Variants in FREM2 observed in about 807,000 individuals in gnomAD.
The protein encoded by FREM2 is FRAS1-related extracellular matrix protein 2.
In FREM2, 119 loss-of-function variants were observed where a neutral mutation model predicts 219.9. The ratio of observed to expected loss-of-function variants is 0.54; its 90% CI spans 0.47 to 0.63. FREM2 has a LOEUF of 0.63. Ranked by LOEUF, FREM2 falls within the 30% of genes least tolerant of loss-of-function variation. FREM2 has a pLI of 0.00. For missense variants in FREM2, 4,030 were observed against 3,993.6 expected (o/e 1.01, Z -0.25); for synonymous variants, 1,562 against 1,522.8 (o/e 1.03, Z -0.60).
At chr13:38,705,115 G>A (rs890671914) in intron 2 of FREM2, among the ~76,000 whole-genome samples, 1 of 152,324 alleles carries the variant, frequency 6.6e-6, no homozygotes, top group African/African-American at 2.4e-5. Context: ...GATGATTCTT[G>A]CAGGTGTAGA....
intron 23 of FREM2, among the ~76,000 whole-genome samples, chr13:38,879,425 C>T (rs974240677): frequency 2.6e-5 from 4 of 152,096 alleles, no homozygotes; most frequent in African/African-American, 9.7e-5. Context: ...GTGCACAGCT[C>T]CACTCTCAAA....
rs533398376 is a variant in FREM2, at chr13:38,811,053, T to G, written c.6019+26245T>G. ...TGGTAAATTAATTTTTTATATTACA[T>G]TAATTTTGAATAATTTATCCATTTC... On this transcript the variant is annotated intron_variant, in intron 6 of 23. Transcript: ENST00000280481. 2.6e-5 allele frequency among the ~76,000 whole-genome samples: 4 copies of G among 152,152 alleles called. No homozygotes were observed. In the East Asian group the frequency reaches 7.7e-4, roughly 29 times the overall value.
At chr13:38,748,923 A>C in intron 2 of FREM2, among the ~76,000 whole-genome samples, 1 of 152,322 alleles carries the variant, frequency 6.6e-6, no homozygotes, top group African/African-American at 2.4e-5. Flanking sequence ...ATGTGTGTGC[A>C]GGTACATGTG....
At chr13:38,786,289 A>G in intron 6 of FREM2, among the ~76,000 whole-genome samples, 1 of 152,202 alleles carries the variant, frequency 6.6e-6, no homozygotes, top group Non-Finnish European at 1.5e-5. Flanking sequence ...TAGAATCCAT[A>G]ACAACATCTG....
intron 4 of FREM2, among the ~76,000 whole-genome samples, chr13:38,771,140 A>G (rs1052411357): frequency 6.6e-6 from 1 of 152,238 alleles, no homozygotes; most frequent in African/African-American, 2.4e-5. Context: ...GAGCTCTGAC[A>G]TCATTTGTTT....
chr13:38,711,079 A>G (rs982249356), intron 2 of FREM2, among the ~76,000 whole-genome samples: 31 of 152,212 alleles, frequency 2.0e-4, no homozygotes, highest in African/African-American at 7.2e-4. Flanking sequence ...TTCATGTAAT[A>G]AGCATATTGT....
At chr13:38,841,991 G>A (rs1044251928) in intron 6 of FREM2, among the ~76,000 whole-genome samples, 1 of 152,148 alleles carries the variant, frequency 6.6e-6, no homozygotes, top group Non-Finnish European at 1.5e-5. Context: ...GGAAAGCAGG[G>A]TGCTCCCCAC....
At chr13:38,820,014 C>T (rs1368931951) in intron 6 of FREM2, among the ~76,000 whole-genome samples, 1 of 152,040 alleles carries the variant, frequency 6.6e-6, no homozygotes, top group Non-Finnish European at 1.5e-5. Context: ...CTTTTATAGA[C>T]ATATAGCACC....
intron 6 of FREM2, among the ~76,000 whole-genome samples, chr13:38,824,203 G>A (rs1876181971): frequency 1.3e-5 from 2 of 152,158 alleles, no homozygotes; most frequent in South Asian, 2.1e-4. Context: ...AGACAGTTTT[G>A]TCACATAAAG....
chr13:38,830,458 G>A (rs779736757), intron 6 of FREM2, among the ~76,000 whole-genome samples: 1 of 152,046 alleles, frequency 6.6e-6, no homozygotes, highest in Non-Finnish European at 1.5e-5. Flanking sequence ...CCCCTCAAGG[G>A]TCCCACGGCT....
At chr13:38,809,076 T>C (rs2137860733) in intron 6 of FREM2, among the ~76,000 whole-genome samples, 1 of 152,012 alleles carries the variant, frequency 6.6e-6, no homozygotes, top group South Asian at 2.1e-4. Flanking sequence ...CTTTATTTTT[T>C]CATTTTTTAA....
intron 6 of FREM2, chr13:38,821,895 C>T (rs1414619381): frequency 6.6e-6 from 1 of 152,148 alleles, no homozygotes; most frequent in Admixed American, 6.6e-5. Flanking sequence ...AAGGTTCTCT[C>T]ACTTGGCCTC....
rs996594593 is a variant in FREM2 at position 38,709,320 on chromosome 13, T to A, written c.5263+11533T>A. ...TCTCCGCTGTGTTTCCCATAACAAC[T>A]CATATTTGGATCTCAAAGCTAGATT... is the stretch of plus-strand genomic sequence containing the variant. On this transcript the variant is annotated intron_variant, in intron 2 of 23. Coordinates refer to ENST00000280481, the MANE Select transcript of FREM2 (RefSeq NM_207361.6). Among the ~76,000 whole-genome samples, 4 of 152,208 alleles carry A rather than the reference T, an allele frequency of 2.6e-5. No homozygotes were observed. The East Asian group carries it at 7.7e-4, about 29-fold the overall frequency.
At chr13:38,869,510 G>A (rs914920084) in intron 16 of FREM2, among the ~76,000 whole-genome samples, 1 of 152,106 alleles carries the variant, frequency 6.6e-6, no homozygotes, top group African/African-American at 2.4e-5. Context: ...TGAAGCTTAC[G>A]GAGGAACAAA....
intron 2 of FREM2, among the ~76,000 whole-genome samples, chr13:38,761,289 C>A (rs1224206013): frequency 6.6e-6 from 1 of 152,064 alleles, no homozygotes; most frequent in African/African-American, 2.4e-5. Flanking sequence ...TAGAGCATGA[C>A]AAGAAGTTTG....
At chr13:38,710,049 C>T (rs2442368) in intron 2 of FREM2, among the ~76,000 whole-genome samples, 2,820 of 149,664 alleles carry the variant, frequency 0.019, 107 homozygotes, top group African/African-American at 0.067. Flanking sequence ...ATTAGCCGGG[C>T]GTGATGGCAC....
chr13:38,760,831 CA>C (rs112835615), intron 2 of FREM2, among the ~76,000 whole-genome samples: 2,428 of 143,666 alleles, frequency 0.017, 72 homozygotes, highest in African/African-American at 0.057. Context: ...CAGAAAATGA[CA>C]AAAAAAAAAT....
At chr13:38,763,912 T>G (rs963939005) in intron 2 of FREM2, among the ~76,000 whole-genome samples, 15 of 152,182 alleles carry the variant, frequency 9.9e-5, no homozygotes, top group African/African-American at 2.4e-4. Flanking sequence ...GTGTGTGTGT[T>G]TTTTAGAACA....
chr13:38,839,356 G>A lies in FREM2; in HGVS notation c.6020-7217G>A, dbSNP rs1452679222. ...GAAGCTTCATCCCAGAGGGGCACCC[G>A]CCACATGCCAGCCAGAGCTCTCCAG... On this transcript the variant is annotated intron_variant, in intron 6 of 23. Transcript: ENST00000280481. 7.2e-5 allele frequency among the ~76,000 whole-genome samples: 11 copies of A among 152,278 alleles called. No homozygotes were observed. The South Asian group carries it at 1.5e-3, about 20-fold the overall frequency.
Sources: gnomAD v4.1 joint callset for allele counts (sites outside exome capture counted in the v4.1 genomes callset) on GRCh38, gnomAD v4.1.1 for gene constraint, MANE v1.5 for transcripts, NCBI Gene and HGNC (gene_info 2026-07-23, HGNC 2026-07-21) for gene names.